Variants in NKAIN2 observed in about 807,000 individuals in gnomAD.
NKAIN2 encodes sodium/potassium-transporting ATPase subunit beta-1-interacting protein 2.
NKAIN2 carries 14 observed loss-of-function variants against 32.6 expected under a neutral mutation model. The observed-to-expected ratio is 0.43, with a 90% CI of 0.28 to 0.67. The LOEUF (loss-of-function observed/expected upper bound fraction) is 0.67. Ranked by LOEUF, NKAIN2 falls within the 30% of genes least tolerant of loss-of-function variation. NKAIN2 has a pLI of 0.17. For synonymous variants in NKAIN2, 80 were observed against 87.2 expected (o/e 0.92, Z 0.46); for missense variants, 198 against 258.3 (o/e 0.77, Z 1.60).
chr6:124,151,294 T>C (rs1038895367), intron 1 of NKAIN2, among the ~76,000 whole-genome samples: 5 of 152,062 alleles, frequency 3.3e-5, no homozygotes, highest in African/African-American at 4.8e-5. Context: ...TTACATATAA[T>C]GATGAACACA....
At chr6:123,818,957 C>T (rs1040971655) in intron 1 of NKAIN2, among the ~76,000 whole-genome samples, 4 of 151,982 alleles carry the variant, frequency 2.6e-5, no homozygotes, top group African/African-American at 9.7e-5. Flanking sequence ...ACTGAAAGTG[C>T]AGGTGAGTGG....
At chr6:123,949,381 T>G (rs1318066526) in intron 1 of NKAIN2, among the ~76,000 whole-genome samples, 1 of 152,048 alleles carries the variant, frequency 6.6e-6, no homozygotes, top group Non-Finnish European at 1.5e-5. Flanking sequence ...AATCTGTAGA[T>G]TGCTTTGGGC....
At chr6:124,592,454 G>A (rs1781946390) in intron 3 of NKAIN2, among the ~76,000 whole-genome samples, 2 of 152,132 alleles carry the variant, frequency 1.3e-5, no homozygotes, top group Admixed American at 1.3e-4. Context: ...TTAAACTATA[G>A]TAGAGTCATT....
At chr6:124,453,851 TAAAAA>T (rs1343369648) in intron 3 of NKAIN2, among the ~76,000 whole-genome samples, 11 of 152,124 alleles carry the variant, frequency 7.2e-5, no homozygotes, top group Non-Finnish European at 1.5e-4. Flanking sequence ...ATCATATAGT[TAAAAA>T]AAGTATTGAT....
rs1185111427 is a variant in NKAIN2 at position 124,223,217 on chromosome 6, A to G, written c.55-59788A>G. On this transcript the variant is annotated intron_variant, in intron 1 of 6. Coordinates refer to ENST00000368417, the MANE Select transcript of NKAIN2 (RefSeq NM_001040214.3). The stretch of plus-strand genomic sequence containing the variant: ...GACAGTGTGAGACTCCATCTCAAAA[A>G]AAAAAAAAAAAAAAAAAAAAAGTGG... Among the ~76,000 whole-genome samples the G allele has an allele frequency of 2.2e-5, 3 of 134,332 alleles. No homozygotes were observed. In the East Asian group the frequency reaches 6.8e-4, roughly 30 times the overall value. 88.1% of individuals were successfully genotyped at this position (134,332 alleles called of 152,430 possible).
intron 4 of NKAIN2, among the ~76,000 whole-genome samples, chr6:124,662,034 C>T (rs890145272): frequency 5.3e-5 from 8 of 152,140 alleles, no homozygotes; most frequent in African/African-American, 1.9e-4. Context: ...TAAATAGGGA[C>T]AATGAACATG....
At chr6:124,822,709 C>A (rs1234821906) in intron 6 of NKAIN2, among the ~76,000 whole-genome samples, 1 of 151,922 alleles carries the variant, frequency 6.6e-6, no homozygotes, top group Non-Finnish European at 1.5e-5. Context: ...TGAAACAAAT[C>A]AATAACAACA....
At chr6:124,364,591 C>T (rs1393819213) in intron 3 of NKAIN2, among the ~76,000 whole-genome samples, 1 of 151,954 alleles carries the variant, frequency 6.6e-6, no homozygotes, top group African/African-American at 2.4e-5. Context: ...TGAATGACAT[C>T]TTTAAAGTGC....
intron 3 of NKAIN2, among the ~76,000 whole-genome samples, chr6:124,406,775 G>T (rs1156905466): frequency 6.6e-6 from 1 of 151,940 alleles, no homozygotes; most frequent in South Asian, 2.1e-4. Flanking sequence ...ATTTCAATAG[G>T]CATGTAGTGC....
chr6:124,656,258 C>T (rs1784535452), intron 3 of NKAIN2, among the ~76,000 whole-genome samples: 1 of 152,106 alleles, frequency 6.6e-6, no homozygotes, highest in Non-Finnish European at 1.5e-5. Context: ...AACAAGTTAT[C>T]CAAAGTCACT....
intron 1 of NKAIN2, among the ~76,000 whole-genome samples, chr6:123,905,525 A>G (rs1774820740): frequency 6.7e-6 from 1 of 150,048 alleles, no homozygotes; most frequent in African/African-American, 2.5e-5. Context: ...TATTGAAAAG[A>G]GTTCAGAACA....
At chr6:124,446,488 A>G (rs964634338) in intron 3 of NKAIN2, among the ~76,000 whole-genome samples, 1 of 151,924 alleles carries the variant, frequency 6.6e-6, no homozygotes, top group Non-Finnish European at 1.5e-5. Flanking sequence ...AACCACAGCC[A>G]TGTGCTACCA....
chr6:124,336,599 G>A (rs144105335), intron 2 of NKAIN2, among the ~76,000 whole-genome samples: 7 of 151,326 alleles, frequency 4.6e-5, no homozygotes, highest in Non-Finnish European at 8.8e-5. Context: ...TTTAAACATA[G>A]TATTTAAACC....
chr6:124,727,692 A>G (rs1437832652), intron 4 of NKAIN2, among the ~76,000 whole-genome samples: 4 of 150,576 alleles, frequency 2.7e-5, no homozygotes, highest in African/African-American at 9.8e-5. Flanking sequence ...GACAGGATCA[A>G]ATTCACACAT....
At chr6:124,816,120 T>C (rs1474926721) in intron 5 of NKAIN2, among the ~76,000 whole-genome samples, 3 of 152,094 alleles carry the variant, frequency 2.0e-5, no homozygotes, top group Non-Finnish European at 2.9e-5. Context: ...AAATGCAGTA[T>C]CAAGCCATGA....
At chr6:124,105,068 C>G (rs554683649) in intron 1 of NKAIN2, among the ~76,000 whole-genome samples, 2 of 152,252 alleles carry the variant, frequency 1.3e-5, no homozygotes, top group East Asian at 1.9e-4. Flanking sequence ...CAGGGCTGAA[C>G]TCGTCATAAA....
intron 3 of NKAIN2, among the ~76,000 whole-genome samples, chr6:124,515,327 T>C (rs1190857122): frequency 1.3e-5 from 2 of 151,972 alleles, no homozygotes; most frequent in African/African-American, 2.4e-5. Flanking sequence ...TTACATCCGG[T>C]GAGGGCCACA....
intron 4 of NKAIN2, among the ~76,000 whole-genome samples, chr6:124,737,314 T>C (rs1391183871): frequency 4.6e-5 from 7 of 151,900 alleles, no homozygotes; most frequent in African/African-American, 1.7e-4. Flanking sequence ...GATTTGATGG[T>C]TTTAAAAGGG....
At chr6:123,888,662 T>G (rs1773851595) in intron 1 of NKAIN2, among the ~76,000 whole-genome samples, 2 of 152,132 alleles carry the variant, frequency 1.3e-5, no homozygotes, top group Admixed American at 6.6e-5. Context: ...TTGTTCGCAT[T>G]TTTTTAAAAA....
Sources: gnomAD v4.1 joint callset for allele counts (sites outside exome capture counted in the v4.1 genomes callset) on GRCh38, gnomAD v4.1.1 for gene constraint, MANE v1.5 for transcripts, NCBI Gene and HGNC (gene_info 2026-07-23, HGNC 2026-07-21) for gene names.